The following TGIF1 variants were observed in gnomAD, a reference collection of about 807,000 sequenced individuals.
The protein encoded by TGIF1 is TGFB induced factor homeobox 1.
A neutral mutation model predicts 19.3 loss-of-function variants in TGIF1; 4 were observed. The ratio of observed to expected loss-of-function variants is 0.21; its 90% CI spans 0.10 to 0.47. The LOEUF is 0.47. TGIF1 is among the 20% of genes least tolerant of loss of function. The pLI, the probability that TGIF1 is intolerant of heterozygous loss-of-function variation, is 0.98. For synonymous variants in TGIF1, 122 were observed against 129.3 expected (o/e 0.94, Z 0.38); for missense variants, 275 against 341.4 (o/e 0.81, Z 1.53).
intron 1 of TGIF1, among the ~76,000 whole-genome samples, chr18:3,450,899 T>A (rs1233847879): frequency 1.3e-5 from 2 of 151,928 alleles, no homozygotes; most frequent in Admixed American, 1.3e-4. Context: ...TTTTTCCCGA[T>A]CCGGACCCAG....
upstream of TGIF1, chr18:3,450,157 C>G (rs1252161109): frequency 1.3e-5 from 17 of 1,259,740 alleles, no homozygotes; most frequent in South Asian, 2.3e-4. Context: ...TGTACCTTCC[C>G]TCCTCGCCTC....
At chr18:3,448,686 T>G, upstream of TGIF1, 1 of 873,628 alleles carries the variant, frequency 1.1e-6, no homozygotes, top group Non-Finnish European at 1.4e-6. Flanking sequence ...TTTTAAACTC[T>G]GGCCTCCACG....
In TGIF1 at chr18:3,457,309, G is replaced by A; in HGVS notation, c.244-56G>A. 1 of 1,577,758 alleles carries A rather than the reference G, an allele frequency of 6.3e-7. No individual in the cohort carries two copies. The highest frequency in any genetic ancestry group is 8.7e-7 in the Non-Finnish European group (1 of 1,151,406). ...TTAGGTACCCCATAGAACATTCTCA[G>A]AACCCGTTGGCTGAGTGAATGAGGA... is the stretch of plus-strand genomic sequence containing the variant. On this transcript the variant is annotated intron_variant, in intron 2 of 2. Transcript: ENST00000343820. The surrounding 1 kb of genome is among the most constrained non-coding windows in gnomAD (Gnocchi z 4.9).
upstream of TGIF1, among the ~76,000 whole-genome samples, chr18:3,445,563 A>C (rs2082730077): frequency 6.6e-6 from 1 of 151,190 alleles, no homozygotes; most frequent in Non-Finnish European, 1.5e-5. Flanking sequence ...TCTCTACTAA[A>C]AACACAAAAA....
chr18:3,449,180 G>T (rs925507601), upstream of TGIF1, among the ~76,000 whole-genome samples: 2 of 152,170 alleles, frequency 1.3e-5, no homozygotes, highest in Admixed American at 1.3e-4. Context: ...AAGCCAACAG[G>T]AACGGGTGTT....
At chr18:3,449,639 C>A, upstream of TGIF1, 10 of 984,758 alleles carry the variant, frequency 1.0e-5, no homozygotes, top group Non-Finnish European at 1.2e-5. Flanking sequence ...TCAATGGCAG[C>A]CGCGCATTCT....
rs535141933 is a variant in TGIF1 at position 3,451,790 on chromosome 18, G to A, written c.16+1285G>A. 153 of 1,292,050 alleles carry A rather than the reference G, an allele frequency of 1.2e-4. No homozygotes were observed. The highest frequency in any genetic ancestry group is 1.5e-4 in the Non-Finnish European group (150 of 1,020,808). 80.0% of individuals were successfully genotyped at this position (1,292,050 alleles called of 1,614,324 possible). A position where few individuals can be genotyped will look rare whatever the true frequency, so the allele number is the denominator to read the frequency against. On this transcript the variant is annotated intron_variant, in intron 1 of 2. Coordinates refer to ENST00000343820, the MANE Select transcript of TGIF1 (RefSeq NM_003244.4). This position sits in a 1 kb window ranked among gnomAD's most constrained non-coding sequence, Gnocchi z 5.4. ...AGTCGTTGTTGGTAGAACGCCCTAA[G>A]GACCCCTCCCCGCGGGACGGAGGGA... is the stretch of plus-strand genomic sequence containing the variant.
At chr18:3,419,751 A>G (rs1437918445) in intron 2 of TGIF1, among the ~76,000 whole-genome samples, 1 of 152,248 alleles carries the variant, frequency 6.6e-6, no homozygotes, top group African/African-American at 2.4e-5. Context: ...CACGCCTGTA[A>G]TCCCAGCACT....
In TGIF1 at chr18:3,451,546, G is replaced by A. The variant is rs1309769618; in HGVS notation, c.16+1041G>A. ...ATCACTCGGGAAGCGGACGGGAGGGGCGGCGCTACTGCGCATGCCCGGGAG... is the reference window on the plus strand; with the variant it reads ...ATCACTCGGGAAGCGGACGGGAGGGACGGCGCTACTGCGCATGCCCGGGAG... On this transcript the variant is annotated intron_variant, in intron 1 of 2. Transcript: ENST00000343820. The surrounding 1 kb of genome is among the most constrained non-coding windows in gnomAD (Gnocchi z 5.4). The A allele has an allele frequency of 6.9e-6, 7 of 1,010,842 alleles. No individual in the cohort carries two copies. The South Asian group carries it at 1.4e-4, about 20-fold the overall frequency. The allele number at this position is 1,010,842 out of a possible 1,614,324, so 62.6% of individuals were successfully genotyped here.
intron 2 of TGIF1, among the ~76,000 whole-genome samples, chr18:3,424,497 G>A (rs1219146420): frequency 6.7e-6 from 1 of 148,702 alleles, no homozygotes; most frequent in East Asian, 2.1e-4. Flanking sequence ...CTGTGATATT[G>A]TGAAATACTA....
intron 1 of TGIF1, chr18:3,453,787 T>C: frequency 3.0e-6 from 3 of 985,098 alleles, no homozygotes; most frequent in Non-Finnish European, 3.6e-6. Flanking sequence ...AACATTTCCT[T>C]GTATGTGGAT....
At chr18:3,450,590 G>A in intron 1 of TGIF1, 85 bp downstream of exon 1, 1 of 1,545,084 alleles carries the variant, frequency 6.5e-7, no homozygotes, top group Non-Finnish European at 8.7e-7. Flanking sequence ...GAGTCACTTG[G>A]TGGACTTTTC....
intron 2 of TGIF1, among the ~76,000 whole-genome samples, chr18:3,424,236 T>A (rs986628855): frequency 2.9e-4 from 44 of 150,778 alleles, no homozygotes; most frequent in Non-Finnish European, 4.6e-4. Flanking sequence ...GCAAAGTAAG[T>A]TTTTTTTGTT....
chr18:3,433,207 A>G (rs1291228733), intron 2 of TGIF1, among the ~76,000 whole-genome samples: 1 of 151,124 alleles, frequency 6.6e-6, no homozygotes, highest in East Asian at 2.0e-4. Flanking sequence ...CCAAGTAGCT[A>G]GGATTACAGG....
chr18:3,430,430 A>G (rs979822435), intron 2 of TGIF1, among the ~76,000 whole-genome samples: 4 of 152,174 alleles, frequency 2.6e-5, no homozygotes, highest in African/African-American at 9.6e-5. Flanking sequence ...CGTGTCATGA[A>G]TTTATATTAT....
chr18:3,446,655 AT>A (rs1447337954), upstream of TGIF1, among the ~76,000 whole-genome samples: 6 of 152,210 alleles, frequency 3.9e-5, no homozygotes, highest in Non-Finnish European at 8.8e-5. Context: ...GCTGAGGAGA[AT>A]TATCCTGATG....
intron 2 of TGIF1, chr18:3,418,372 A>G (rs1223664398): frequency 6.6e-6 from 1 of 152,218 alleles, no homozygotes; most frequent in Non-Finnish European, 1.5e-5. Context: ...GTCCCTTGGT[A>G]TCCATGGGGG....
intron 2 of TGIF1, among the ~76,000 whole-genome samples, chr18:3,431,100 A>G (rs896219647): frequency 6.6e-6 from 1 of 152,206 alleles, no homozygotes; most frequent in African/African-American, 2.4e-5. Context: ...TAAGGCACCC[A>G]ATTTGAGGAG....
At position 3,441,538 on chromosome 18, in the gene TGIF1, G is replaced by A. The variant is rs142182874; in HGVS notation, c.-44-14816G>A. Among the ~76,000 whole-genome samples the A allele has an allele frequency of 1.6e-3, 250 of 152,272 alleles. 1 individual carries two copies. Among genetic ancestry groups the A allele is most frequent in the African/African-American group, 5.9e-3 (247 of 41,556 alleles). On this transcript the variant is annotated intron_variant, in intron 2 of 3. Transcript: ENST00000401449. ...CAGTAGCAACACCTCCTCTCCAGCT[G>A]CAGTCACCAAACATGTCTCCCGACA...
Sources: allele counts gnomAD v4.1 joint callset (sites outside exome capture counted in the v4.1 genomes callset), GRCh38; gene constraint gnomAD v4.1.1; non-coding constraint Gnocchi (gnomAD v3.1); transcripts MANE v1.5; gene names NCBI Gene and HGNC (gene_info 2026-07-23, HGNC 2026-07-21).